Variants in CRYBB2 observed in about 807,000 individuals in gnomAD.
CRYBB2 encodes the protein beta-crystallin B2.
In CRYBB2, 12 loss-of-function variants were observed where a neutral mutation model predicts 24.3. That is an observed-to-expected ratio of 0.49 (90% confidence interval 0.32 to 0.80). The LOEUF (loss-of-function observed/expected upper bound fraction) is 0.80, where lower values mean the gene tolerates loss of function less well. Ranked by LOEUF, CRYBB2 falls within the 30% of genes least tolerant of loss-of-function variation. The pLI is 0.04. For missense variants in CRYBB2, 198 were observed against 268.5 expected (o/e 0.74, Z 1.83); for synonymous variants, 98 against 101.6 (o/e 0.96, Z 0.21).
At chr22:25,221,515 T>A in intron 2 of CRYBB2, 32 bp downstream of exon 2, 1 of 1,550,058 alleles carries the variant, frequency 6.5e-7, no homozygotes, top group Non-Finnish European at 8.9e-7. Context: ...GGGCATGCAA[T>A]GCTCCTCCCC....
At chr22:25,218,842 A>AAG (rs1487361692), upstream of CRYBB2, among the ~76,000 whole-genome samples, 21 of 118,898 alleles carry the variant, frequency 1.8e-4, no homozygotes, top group South Asian at 5.8e-4. Context: ...AAGAAAGAGA[A>AAG]AGAAAGAAAG....
chr22:25,229,555 A>G lies in CRYBB2; in HGVS notation c.426A>G (p.Ser142=). ...CCCATGGCTACCAGGAGAAGGTGTCATCTGTGCGGGTGCAGAGTGGCACGT... is the reference window on the plus strand; with the variant it reads ...CCCATGGCTACCAGGAGAAGGTGTCGTCTGTGCGGGTGCAGAGTGGCACGT... ...FHAHGYQEKV[S]SVRVQSGTWV... The change falls in exon 5 of 6, where the codon TCA becomes TCG. Residue 142 remains serine, a synonymous_variant. Transcript: ENST00000398215. 6.2e-7 allele frequency: 1 copy of G among 1,614,278 alleles called. No individual in the cohort carries two copies. The highest frequency in any genetic ancestry group is 8.5e-7 in the Non-Finnish European group (1 of 1,180,050).
upstream of CRYBB2, among the ~76,000 whole-genome samples, chr22:25,218,767 GAGAGAGAGAGAGAAGAAAGAAAGA>G (rs1935245172): frequency 5.9e-5 from 2 of 34,068 alleles, no homozygotes; most frequent in African/African-American, 2.5e-4. Flanking sequence ...GAGAGAGAGA[GAGAGAGAGAGAGAAGAAAGAAAGA>G]AAGAAAGAAA....
At chr22:25,220,513 C>T (rs949134904) in intron 1 of CRYBB2, among the ~76,000 whole-genome samples, 14 of 152,206 alleles carry the variant, frequency 9.2e-5, no homozygotes, top group South Asian at 8.3e-4. Flanking sequence ...TGGTTTCTTG[C>T]GGGAGAGCAG....
At chr22:25,231,242 G>A (rs192519489) in intron 5 of CRYBB2, among the ~76,000 whole-genome samples, 44 of 152,252 alleles carry the variant, frequency 2.9e-4, no homozygotes, top group African/African-American at 1.0e-3. Context: ...AGGTGGGATA[G>A]GACTGGAGGG....
upstream of CRYBB2, among the ~76,000 whole-genome samples, chr22:25,218,412 T>C (rs1569015589): frequency 6.6e-6 from 1 of 151,854 alleles, no homozygotes; most frequent in Non-Finnish European, 1.5e-5. Flanking sequence ...ATCCCAGCAC[T>C]TTAGGAGGCC....
chr22:25,230,302 G>A (rs1282372082), intron 5 of CRYBB2, among the ~76,000 whole-genome samples: 4 of 149,478 alleles, frequency 2.7e-5, no homozygotes, highest in Admixed American at 6.6e-5. Flanking sequence ...GATTACAGGC[G>A]CCCACCACCA....
At chr22:25,229,304 G>A (rs1345495117) in intron 4 of CRYBB2, 132 bp from the exon 5 acceptor site, 18 of 1,472,810 alleles carry the variant, frequency 1.2e-5, no homozygotes, top group South Asian at 4.9e-5. Flanking sequence ...TCATAGACAC[G>A]TAGTGGGTGC....
upstream of CRYBB2, among the ~76,000 whole-genome samples, chr22:25,218,580 C>T (rs1434887057): frequency 3.4e-5 from 5 of 148,252 alleles, no homozygotes; most frequent in Admixed American, 1.4e-4. Flanking sequence ...GCAGGAGAAT[C>T]GCTTGAACCT....
upstream of CRYBB2, among the ~76,000 whole-genome samples, chr22:25,218,047 C>T (rs975487058): frequency 4.6e-5 from 7 of 151,604 alleles, no homozygotes; most frequent in African/African-American, 9.7e-5. Flanking sequence ...ATAATGAGGT[C>T]AGGAGATCGA....
chr22:25,218,778 A>C, upstream of CRYBB2, among the ~76,000 whole-genome samples: 1 of 23,728 alleles, frequency 4.2e-5, no homozygotes, highest in East Asian at 1.4e-3. Flanking sequence ...AGAGAGAGAG[A>C]GAAGAAAGAA....
At chr22:25,218,836 A>AAGAAAGAAAGAAAGAGAGAG (rs1569016534), upstream of CRYBB2, among the ~76,000 whole-genome samples, 2 of 96,894 alleles carry the variant, frequency 2.1e-5, no homozygotes, top group South Asian at 4.5e-4. Context: ...GAAAGAAAGA[A>AAGAAAGAAAGAAAGAGAGAG]AGAGAAAGAA....
Position 25,231,810 on chromosome 22 carries a change from C to T in CRYBB2, c.*38C>T, listed in dbSNP as rs756413676. On this transcript the variant is annotated 3_prime_UTR_variant, in exon 6 of 6. Coordinates refer to ENST00000398215, the MANE Select transcript of CRYBB2 (RefSeq NM_000496.3). ...CATGCCTCCTTCCCAGGACCCAGGT[C>T]TGCTGCCCAGGAACCCTCCAGACCT... The T allele has an allele frequency of 2.7e-5, 44 of 1,604,088 alleles. No individual in the cohort carries two copies. Among genetic ancestry groups the T allele is most frequent in the Non-Finnish European group, 3.5e-5 (41 of 1,171,028 alleles).
At chr22:25,218,802 GAA>G (rs1361363729), upstream of CRYBB2, among the ~76,000 whole-genome samples, 1 of 110,308 alleles carries the variant, frequency 9.1e-6, no homozygotes, top group Non-Finnish European at 1.8e-5. Flanking sequence ...AAGAAAGAAA[GAA>G]AGAAAGAAAG....
intron 2 of CRYBB2, among the ~76,000 whole-genome samples, chr22:25,222,183 A>G (rs1320171798): frequency 6.6e-6 from 1 of 152,204 alleles, no homozygotes; most frequent in Non-Finnish European, 1.5e-5. Context: ...TTCCTTCAGG[A>G]ATGGCCCCTT....
chr22:25,221,975 G>A (rs539340051), intron 2 of CRYBB2, among the ~76,000 whole-genome samples: 2 of 152,214 alleles, frequency 1.3e-5, no homozygotes, highest in African/African-American at 2.4e-5. Flanking sequence ...CCTAACACCC[G>A]GCCTGGGGTG....
intron 5 of CRYBB2, among the ~76,000 whole-genome samples, chr22:25,230,196 G>A (rs1327864638): frequency 6.8e-6 from 1 of 147,304 alleles, no homozygotes; most frequent in Non-Finnish European, 1.5e-5. Flanking sequence ...GCGCACTTTC[G>A]CCCTGGCTGG....
upstream of CRYBB2, among the ~76,000 whole-genome samples, chr22:25,218,773 G>GAA (rs1398690316): frequency 6.2e-5 from 2 of 32,266 alleles, no homozygotes; most frequent in East Asian, 2.9e-3. Context: ...GAGAGAGAGA[G>GAA]AGAGAGAAGA....
At chr22:25,225,782 A>G (rs901575346) in intron 3 of CRYBB2, among the ~76,000 whole-genome samples, 1 of 152,222 alleles carries the variant, frequency 6.6e-6, no homozygotes, top group Non-Finnish European at 1.5e-5. Context: ...GGAATTTTGC[A>G]GAGTTCCATG....
Sources: gnomAD v4.1 joint callset for allele counts (sites outside exome capture counted in the v4.1 genomes callset) on GRCh38, gnomAD v4.1.1 for gene constraint, MANE v1.5 for transcripts, NCBI Gene and HGNC (gene_info 2026-07-23, HGNC 2026-07-21) for gene names.